ACAP2: variants seen among roughly 807,000 people sequenced by gnomAD.
The protein encoded by ACAP2 is ArfGAP with coiled-coil, ankyrin repeat and PH domains 2.
Under a neutral mutation model 115.8 loss-of-function variants are expected in ACAP2, and 39 were observed. That is an observed-to-expected ratio of 0.34 (90% confidence interval 0.26 to 0.44). The LOEUF is 0.44. Among genes scored for constraint, ACAP2 ranks in the 20% least tolerant of loss-of-function variants. The pLI is 1.00. For missense variants in ACAP2, 662 were observed against 927.6 expected, an observed-to-expected ratio of 0.71 and a Z score of 3.72; for synonymous variants, 289 against 315.8, an observed-to-expected ratio of 0.92 and a Z score of 0.90.
At chr3:195,304,140 G>A (rs968833381) in intron 13 of ACAP2, among the ~76,000 whole-genome samples, 1 of 118,064 alleles carries the variant, frequency 8.5e-6, no homozygotes, top group African/African-American at 3.3e-5. Flanking sequence ...CACCAGCCTG[G>A]GCAATGGAGT....
intron 1 of ACAP2, chr3:195,410,922 CA>C: frequency 3.2e-6 from 1 of 314,954 alleles, no homozygotes; most frequent in South Asian, 2.5e-5. Context: ...GACACATCAA[CA>C]AGGTGCCATC....
chr3:195,366,641 G>C (rs1181056092), intron 4 of ACAP2, among the ~76,000 whole-genome samples: 1 of 152,208 alleles, frequency 6.6e-6, no homozygotes, highest in African/African-American at 2.4e-5. Flanking sequence ...CTGGGCTGCA[G>C]ACTAGAATGA....
chr3:195,374,478 T>A (rs1013443663), intron 4 of ACAP2, among the ~76,000 whole-genome samples: 3 of 152,206 alleles, frequency 2.0e-5, no homozygotes, highest in Non-Finnish European at 4.4e-5. Context: ...TTATGAATGA[T>A]TGCCTCTTTG....
intron 9 of ACAP2, among the ~76,000 whole-genome samples, chr3:195,321,369 T>C (rs1365386021): frequency 1.3e-5 from 2 of 151,832 alleles, no homozygotes; most frequent in African/African-American, 2.4e-5. Flanking sequence ...ATTACGGACA[T>C]ACGCCATCAT....
intron 4 of ACAP2, among the ~76,000 whole-genome samples, chr3:195,375,211 T>A (rs1362931934): frequency 1.3e-5 from 2 of 151,708 alleles, no homozygotes; most frequent in African/African-American, 4.8e-5. Context: ...AATAAATAAA[T>A]AAAAATAAAA....
intron 1 of ACAP2, among the ~76,000 whole-genome samples, chr3:195,400,426 T>C (rs1712187401): frequency 6.6e-6 from 1 of 151,818 alleles, no homozygotes; most frequent in Admixed American, 6.6e-5. Flanking sequence ...TGGCAAATAA[T>C]CATTATTGAC....
At chr3:195,386,690 T>A (rs1000709276) in intron 2 of ACAP2, among the ~76,000 whole-genome samples, 1 of 152,044 alleles carries the variant, frequency 6.6e-6, no homozygotes, top group African/African-American at 2.4e-5. Flanking sequence ...CATGTGGGAC[T>A]TAAAACCTAG....
chr3:195,394,718 A>G (rs1357460919), intron 1 of ACAP2, among the ~76,000 whole-genome samples: 1 of 152,206 alleles, frequency 6.6e-6, no homozygotes, highest in Non-Finnish European at 1.5e-5. Flanking sequence ...AGCAAGACTC[A>G]GTCTCTCAAA....
At chr3:195,401,556 A>AGG (rs1712298749) in intron 1 of ACAP2, among the ~76,000 whole-genome samples, 1 of 152,124 alleles carries the variant, frequency 6.6e-6, no homozygotes, top group South Asian at 2.1e-4. Flanking sequence ...AATCCCAGCT[A>AGG]CACCGGTTGC....
chr3:195,377,569 GA>G (rs764378211), intron 4 of ACAP2, among the ~76,000 whole-genome samples: 16 of 152,134 alleles, frequency 1.1e-4, no homozygotes, highest in Non-Finnish European at 1.9e-4. Context: ...TAATTAACGT[GA>G]AGTATAACAG....
Position 195,278,062 on chromosome 3 carries a change from C to CA in ACAP2, c.*1265dup, listed in dbSNP as rs940168969. The CA allele has an allele frequency of 7.1e-6, 1 of 141,356 alleles. No homozygotes were observed. The highest frequency in any genetic ancestry group is 7.3e-5 in the Admixed American group (1 of 13,650). 8.8% of individuals were successfully genotyped at this position (141,356 alleles called of 1,614,324 possible). ...TGCCACTGCACTCCAGCCTGGGTGACACAGCAAGACGCCATCTCGGGAAAA... is the reference window on the plus strand; with the variant it reads ...TGCCACTGCACTCCAGCCTGGGTGACAACAGCAAGACGCCATCTCGGGAAAA... On this transcript the variant is annotated 3_prime_UTR_variant, in exon 23 of 23. Transcript: ENST00000326793.
intron 15 of ACAP2, among the ~76,000 whole-genome samples, chr3:195,299,567 G>A (rs994270340): frequency 1.3e-5 from 2 of 149,954 alleles, no homozygotes; most frequent in Admixed American, 6.7e-5. Context: ...GGCCGGGCGC[G>A]GTGGCTCACG....
At chr3:195,330,394 T>A (rs1730088169) in intron 8 of ACAP2, among the ~76,000 whole-genome samples, 2 of 152,196 alleles carry the variant, frequency 1.3e-5, no homozygotes, top group Non-Finnish European at 1.5e-5. Flanking sequence ...TGCAGACTTA[T>A]TTGAGATCTA....
intron 9 of ACAP2, among the ~76,000 whole-genome samples, chr3:195,321,848 A>T (rs192246449): frequency 6.6e-6 from 1 of 151,944 alleles, no homozygotes; most frequent in East Asian, 1.9e-4. Flanking sequence ...CCTGACTTCA[A>T]GTGATTCACC....
intron 4 of ACAP2, chr3:195,349,601 TA>T (rs1299540057): frequency 1.0e-3 from 159 of 151,936 alleles, no homozygotes; most frequent in South Asian, 3.9e-3. Flanking sequence ...TCAGAGAAAT[TA>T]AAAAAAAAAA....
At chr3:195,371,147 T>C (rs1181564834) in intron 4 of ACAP2, among the ~76,000 whole-genome samples, 1 of 152,208 alleles carries the variant, frequency 6.6e-6, no homozygotes, top group African/African-American at 2.4e-5. Context: ...TGTAAATTCC[T>C]TGGGCTGTAT....
Position 195,277,683 on chromosome 3 carries a change from T to C in ACAP2, c.*1645A>G, listed in dbSNP as rs1298864725. The C allele has an allele frequency of 6.6e-6, 1 of 152,216 alleles. No individual in the cohort carries two copies. The highest frequency in any genetic ancestry group is 1.5e-5 in the Non-Finnish European group (1 of 68,028). The allele number at this position is 152,216 out of a possible 1,614,324, so 9.4% of individuals were successfully genotyped here. On this transcript the variant is annotated 3_prime_UTR_variant, in exon 23 of 23. Transcript: ENST00000326793. ...CTATAATTGGATCATAAAGTTTTTA[T>C]ATATTTTAAAACCTCTTATTTAGAA...
intron 1 of ACAP2, among the ~76,000 whole-genome samples, chr3:195,410,284 C>T (rs1713151701): frequency 6.6e-6 from 1 of 152,150 alleles, no homozygotes; most frequent in African/African-American, 2.4e-5. Context: ...AGATCCATGA[C>T]TGAAATGTTA....
intron 7 of ACAP2, among the ~76,000 whole-genome samples, 186 bp from the exon 8 acceptor site, chr3:195,333,309 CTCCCACT>C (rs1468263398): frequency 3.9e-5 from 6 of 152,198 alleles, no homozygotes; most frequent in African/African-American, 7.2e-5. Context: ...TCAGGTGATT[CTCCCACT>C]TCAGCCTCCT....
Sources: gnomAD v4.1 joint callset for allele counts (sites outside exome capture counted in the v4.1 genomes callset) on GRCh38, gnomAD v4.1.1 for gene constraint, MANE v1.5 for transcripts, NCBI Gene and HGNC (gene_info 2026-07-23, HGNC 2026-07-21) for gene names.